PCDHA13: variants seen among roughly 807,000 people sequenced by gnomAD.
PCDHA13 encodes protocadherin alpha 13.
PCDHA13 carries 54 observed loss-of-function variants against 64.8 expected under a neutral mutation model. That is an observed-to-expected ratio of 0.83 (90% CI 0.67 to 1.04). The LOEUF (loss-of-function observed/expected upper bound fraction) is 1.04, where lower values mean the gene tolerates loss of function less well. Ranked by LOEUF, PCDHA13 falls within the 50% of genes least tolerant of loss-of-function variation. PCDHA13 has a pLI of 0.00. For missense variants in PCDHA13, 1,248 were observed against 1,254.3 expected (o/e 0.99, Z 0.08); for synonymous variants, 587 against 564.4 (o/e 1.04, Z -0.57).
intron 1 of PCDHA13, 73 bp from the exon 2 acceptor site, chr5:140,978,876 A>G: frequency 6.2e-7 from 1 of 1,609,510 alleles, no homozygotes; most frequent in Non-Finnish European, 8.5e-7. Flanking sequence ...GGGAGTAACT[A>G]ATCAATTAGC....
At chr5:140,969,598 T>C in intron 1 of PCDHA13, 1 of 790,872 alleles carries the variant, frequency 1.3e-6, no homozygotes, top group Non-Finnish European at 1.9e-6. Context: ...TAATATTTAA[T>C]GCTAAAACAC....
At chr5:140,969,180 C>T in intron 1 of PCDHA13, 1 of 1,614,110 alleles carries the variant, frequency 6.2e-7, no homozygotes, top group Non-Finnish European at 8.5e-7. Context: ...GGGAGTGACA[C>T]TTTCATGTTT....
intron 1 of PCDHA13, among the ~76,000 whole-genome samples, chr5:140,930,807 A>G (rs2087132034): frequency 6.6e-6 from 1 of 152,206 alleles, no homozygotes; most frequent in Non-Finnish European, 1.5e-5. Flanking sequence ...AGCATATAAG[A>G]TATGCTTAGT....
At chr5:140,884,794 A>G in intron 1 of PCDHA13, 132 bp downstream of exon 1, 1 of 1,280,100 alleles carries the variant, frequency 7.8e-7, no homozygotes, top group East Asian at 2.6e-5. Flanking sequence ...TTGTTATCGA[A>G]TTTAACAACT....
intron 1 of PCDHA13, among the ~76,000 whole-genome samples, chr5:140,960,521 A>C (rs950989969): frequency 9.9e-5 from 15 of 152,162 alleles, no homozygotes; most frequent in Non-Finnish European, 1.5e-5. Context: ...CATAATGGGT[A>C]TAGGAAAGAG....
intron 1 of PCDHA13, chr5:140,930,358 T>G (rs1253370170): frequency 6.6e-6 from 1 of 152,216 alleles, no homozygotes; most frequent in Non-Finnish European, 1.5e-5. Context: ...AATATTTCAA[T>G]TTATCTGTTA....
intron 1 of PCDHA13, among the ~76,000 whole-genome samples, chr5:140,890,695 A>T (rs1196447488): frequency 6.6e-6 from 1 of 152,200 alleles, no homozygotes; most frequent in Non-Finnish European, 1.5e-5. Context: ...AAATGCAGGG[A>T]CCTTACATTT....
chr5:140,918,403 C>G (rs192008600), intron 1 of PCDHA13, among the ~76,000 whole-genome samples: 1 of 152,278 alleles, frequency 6.6e-6, no homozygotes, highest in African/African-American at 2.4e-5. Flanking sequence ...CCTGATTTCT[C>G]TGGCCAGGAC....
chr5:140,892,608 TA>T (rs1442553538), intron 1 of PCDHA13, among the ~76,000 whole-genome samples: 2 of 152,184 alleles, frequency 1.3e-5, no homozygotes, highest in African/African-American at 4.8e-5. Flanking sequence ...TTTTTCCTTT[TA>T]TTTCCAGTTG....
At chr5:140,968,317 A>T (rs144335538) in intron 1 of PCDHA13, 17,308 of 1,614,002 alleles carry the variant, frequency 0.011, 130 homozygotes, top group Non-Finnish European at 0.013. Flanking sequence ...AAGGGCTGCC[A>T]GTCACCTCCT....
chr5:140,946,611 A>AATATATATATATATATATATATAT (rs1554217734), intron 1 of PCDHA13, among the ~76,000 whole-genome samples: 1,222 of 86,096 alleles, frequency 0.014, 42 homozygotes, highest in African/African-American at 0.029. Context: ...GAAAATGTGA[A>AATATATATATATATATATATATAT]ATATATATAT....
At chr5:141,005,574 T>C (rs567844252) in intron 3 of PCDHA13, among the ~76,000 whole-genome samples, 58 of 150,842 alleles carry the variant, frequency 3.8e-4, no homozygotes, top group Non-Finnish European at 7.5e-4. Flanking sequence ...TGGTGGCGCG[T>C]GCCTGTAGTC....
At chr5:140,900,199 G>C (rs1383731759) in intron 1 of PCDHA13, among the ~76,000 whole-genome samples, 1 of 152,172 alleles carries the variant, frequency 6.6e-6, no homozygotes, top group Non-Finnish European at 1.5e-5. Context: ...ATGACATCCA[G>C]TTTCATCCAG....
intron 1 of PCDHA13, chr5:140,929,259 G>A (rs782558603): frequency 4.7e-5 from 76 of 1,612,754 alleles, no homozygotes; most frequent in Non-Finnish European, 6.2e-5. Context: ...GGGTAGGACT[G>A]AATTTGCCAA....
intron 1 of PCDHA13, among the ~76,000 whole-genome samples, chr5:140,943,273 A>AG (rs1157586895): frequency 6.7e-6 from 1 of 150,362 alleles, no homozygotes; most frequent in Non-Finnish European, 1.5e-5. Flanking sequence ...AAAAAAAAAA[A>AG]AAAAGAAAGA....
At chr5:140,929,192 A>C (rs1367500775) in intron 1 of PCDHA13, 1 of 1,614,124 alleles carries the variant, frequency 6.2e-7, no homozygotes, top group Non-Finnish European at 8.5e-7. Context: ...TCTGATAATA[A>C]CAGTTTGCTG....
In PCDHA13 at chr5:140,883,445, G is replaced by A; in HGVS notation, c.1177G>A (p.Val393Ile). The change falls in exon 1 of 4, where the codon GTC becomes ATC. Residue 393 changes from valine (V) to isoleucine (I), a missense_variant. Coordinates refer to ENST00000289272, the MANE Select transcript of PCDHA13 (RefSeq NM_018904.3). ...GQVTCTLTPH[V>I]PFKLVSTYKN... ...GGTCACCTGCACCTTGACGCCGCAT[G>A]TCCCCTTCAAGCTGGTGTCCACCTA... 6.2e-7 allele frequency: 1 copy of A among 1,614,164 alleles called. No individual in the cohort carries two copies. The highest frequency in any genetic ancestry group is 1.1e-5 in the South Asian group (1 of 91,086).
At chr5:141,004,492 A>G (rs2098168083) in intron 3 of PCDHA13, among the ~76,000 whole-genome samples, 2 of 152,230 alleles carry the variant, frequency 1.3e-5, no homozygotes, top group South Asian at 2.1e-4. Context: ...AACTCTTGGC[A>G]GTCCTGCTGT....
At chr5:140,999,806 A>G (rs1230100139) in intron 3 of PCDHA13, among the ~76,000 whole-genome samples, 1 of 152,152 alleles carries the variant, frequency 6.6e-6, no homozygotes, top group African/African-American at 2.4e-5. Context: ...TTTGGGCACA[A>G]AGCAAGAGCT....
Sources: allele counts gnomAD v4.1 joint callset (sites outside exome capture counted in the v4.1 genomes callset), GRCh38; gene constraint gnomAD v4.1.1; transcripts MANE v1.5; gene names NCBI Gene and HGNC (gene_info 2026-07-23, HGNC 2026-07-21).